ARHGEF4: variants seen among roughly 807,000 people sequenced by gnomAD.
The protein encoded by ARHGEF4 is Rho guanine nucleotide exchange factor 4, also known as APC-stimulated guanine nucleotide exchange factor 1.
Under a neutral mutation model 162.0 loss-of-function variants are expected in ARHGEF4, and 119 were observed. The observed-to-expected ratio is 0.73, with a 90% confidence interval of 0.63 to 0.86. The LOEUF (loss-of-function observed/expected upper bound fraction) is 0.86, where lower values mean the gene tolerates loss of function less well. ARHGEF4 is among the 40% of genes least tolerant of loss of function. The pLI, the probability that ARHGEF4 is intolerant of heterozygous loss-of-function variation, is 0.00. For missense variants in ARHGEF4, 2,488 were observed against 2,456.0 expected (o/e 1.01, Z -0.28); for synonymous variants, 1,014 against 979.9 (o/e 1.03, Z -0.65).
intron 1 of ARHGEF4, among the ~76,000 whole-genome samples, chr2:130,851,199 A>G (rs980306988): frequency 6.6e-6 from 1 of 152,240 alleles, no homozygotes; most frequent in Non-Finnish European, 1.5e-5. Flanking sequence ...AGAGGCCAGC[A>G]TGTGCCTTTC....
chr2:130,990,423 C>A (rs1330652642), intron 4 of ARHGEF4, among the ~76,000 whole-genome samples: 1 of 152,048 alleles, frequency 6.6e-6, no homozygotes, highest in African/African-American at 2.4e-5. Flanking sequence ...TTATTAGCTT[C>A]TTGGTGAGTT....
At chr2:130,982,614 T>TCC (rs1345998746) in intron 4 of ARHGEF4, among the ~76,000 whole-genome samples, 1 of 28,880 alleles carries the variant, frequency 3.5e-5, no homozygotes, top group Middle Eastern at 0.042. Context: ...CTCCTCCTCC[T>TCC]TTCTTCTTTT....
At chr2:130,948,271 A>G (rs188643480) in intron 4 of ARHGEF4, among the ~76,000 whole-genome samples, 2 of 152,358 alleles carry the variant, frequency 1.3e-5, no homozygotes, top group East Asian at 3.9e-4. Flanking sequence ...GTGGTTGTCC[A>G]TCAGCAGATG....
intron 2 of ARHGEF4, among the ~76,000 whole-genome samples, chr2:130,919,137 A>T (rs569330127): frequency 6.6e-6 from 1 of 152,280 alleles, no homozygotes; most frequent in East Asian, 1.9e-4. Context: ...CTCTGTTTAG[A>T]AGTTCCATAA....
chr2:131,029,427 T>C (rs148158084), intron 5 of ARHGEF4, among the ~76,000 whole-genome samples: 5 of 152,128 alleles, frequency 3.3e-5, no homozygotes, highest in African/African-American at 9.7e-5. Flanking sequence ...AAAATAAACA[T>C]GTAAATAAGC....
intron 4 of ARHGEF4, among the ~76,000 whole-genome samples, chr2:130,990,400 T>TTTA (rs912852444): frequency 1.5e-4 from 23 of 152,054 alleles, no homozygotes; most frequent in African/African-American, 4.3e-4. Context: ...TTAAAATAGA[T>TTTA]TTATTATTAT....
At chr2:131,043,413 G>A in intron 10 of ARHGEF4, 39 bp from the exon 11 acceptor site, 1 of 1,612,068 alleles carries the variant, frequency 6.2e-7, no homozygotes, top group East Asian at 2.2e-5. Flanking sequence ...CCCACGGTTG[G>A]GTATGCGAGG....
chr2:130,969,880 G>A (rs1414517074), intron 4 of ARHGEF4, among the ~76,000 whole-genome samples: 1 of 152,140 alleles, frequency 6.6e-6, no homozygotes, highest in African/African-American at 2.4e-5. Flanking sequence ...CGTAGAAATG[G>A]AGTCATATCA....
At chr2:130,873,031 C>T (rs1479306070) in intron 1 of ARHGEF4, among the ~76,000 whole-genome samples, 1 of 152,234 alleles carries the variant, frequency 6.6e-6, no homozygotes, top group African/African-American at 2.4e-5. Flanking sequence ...GCAGCCAAGG[C>T]AGGGCTGTGG....
chr2:131,039,150 G>C (rs186609855), intron 6 of ARHGEF4, 118 bp downstream of exon 6: 5 of 1,332,702 alleles, frequency 3.8e-6, no homozygotes, highest in Non-Finnish European at 5.0e-6. Flanking sequence ...CTGGGTGGTG[G>C]GTGTCGGGGC....
intron 1 of ARHGEF4, among the ~76,000 whole-genome samples, chr2:130,877,146 G>A (rs1047530682): frequency 6.6e-5 from 10 of 152,142 alleles, no homozygotes; most frequent in African/African-American, 4.8e-5. Context: ...GCGTAGAAGC[G>A]GTGCTCCCAG....
At chr2:130,934,187 G>A (rs1682802736) in intron 3 of ARHGEF4, among the ~76,000 whole-genome samples, 1 of 152,170 alleles carries the variant, frequency 6.6e-6, no homozygotes. Flanking sequence ...CATCAACTGA[G>A]ATAATCATGC....
intron 4 of ARHGEF4, chr2:130,946,858 T>C (rs895820829): frequency 4.4e-6 from 2 of 455,532 alleles, no homozygotes; most frequent in African/African-American, 4.0e-5. Context: ...ATCCCAGCAC[T>C]TTGAGAGGCT....
At chr2:131,032,061 T>C (rs540547713) in intron 5 of ARHGEF4, among the ~76,000 whole-genome samples, 2 of 152,210 alleles carry the variant, frequency 1.3e-5, no homozygotes, top group Admixed American at 6.5e-5. Flanking sequence ...CAGCAGCCTG[T>C]CCCCTGCCTC....
chr2:130,991,302 C>T (rs375018733), intron 4 of ARHGEF4, among the ~76,000 whole-genome samples: 68 of 152,386 alleles, frequency 4.5e-4, no homozygotes, highest in African/African-American at 1.6e-3. Context: ...TCACAGCCCT[C>T]GCTCGCTCTT....
intron 1 of ARHGEF4, among the ~76,000 whole-genome samples, chr2:130,875,202 A>G (rs1250216346): frequency 6.6e-6 from 1 of 151,846 alleles, no homozygotes; most frequent in Non-Finnish European, 1.5e-5. Flanking sequence ...CATCAGCCTT[A>G]TTCTCTTGTT....
At chr2:130,969,699 A>G (rs1259749176) in intron 4 of ARHGEF4, among the ~76,000 whole-genome samples, 3 of 152,184 alleles carry the variant, frequency 2.0e-5, no homozygotes, top group Non-Finnish European at 4.4e-5. Context: ...TTGGTGTACA[A>G]TTCTTAGAGT....
In ARHGEF4 at chr2:130,837,701, G is replaced by A. The variant is rs1014268123; in HGVS notation, c.39+709G>A. 3.3e-5 allele frequency: 14 copies of A among 427,166 alleles called. No homozygotes were observed. The East Asian group carries it at 1.1e-3, about 34-fold the overall frequency. The allele number at this position is 427,166 out of a possible 1,614,324, so 26.5% of individuals were successfully genotyped here. ...CAGGTTGCCAAGCCCGACCTCCCCA[G>A]GTGAGCCAGCGGGAGGGCGGTTGCG... On this transcript the variant is annotated intron_variant, in intron 1 of 13. Transcript: ENST00000409359.
At chr2:130,880,727 G>A (rs985553462) in intron 1 of ARHGEF4, among the ~76,000 whole-genome samples, 2 of 152,064 alleles carry the variant, frequency 1.3e-5, no homozygotes, top group African/African-American at 4.8e-5. Context: ...TGGAGACAAG[G>A]TTTCACTATG....
Sources: allele counts gnomAD v4.1 joint callset (sites outside exome capture counted in the v4.1 genomes callset), GRCh38; gene constraint gnomAD v4.1.1; transcripts MANE v1.5; gene names NCBI Gene and HGNC (gene_info 2026-07-23, HGNC 2026-07-21).